Variants in STARD9 observed in about 807,000 individuals in gnomAD.
The protein encoded by STARD9 is StAR related lipid transfer domain containing 9, also known as stAR-related lipid transfer protein 9.
A neutral mutation model predicts 399.8 loss-of-function variants in STARD9; 346 were observed. The ratio of observed to expected loss-of-function variants is 0.87; its 90% CI spans 0.79 to 0.95. The LOEUF is 0.95. Among genes scored for constraint, STARD9 ranks in the 40% least tolerant of loss-of-function variants. STARD9 has a pLI of 0.00. For missense variants in STARD9, 5,832 were observed against 5,667.5 expected, an observed-to-expected ratio of 1.03 and a Z score of -0.93; for synonymous variants, 2,203 against 2,143.5, an observed-to-expected ratio of 1.03 and a Z score of -0.77.
chr15:42,644,847 T>C (rs932774506), intron 7 of STARD9, among the ~76,000 whole-genome samples: 1 of 152,228 alleles, frequency 6.6e-6, no homozygotes, highest in South Asian at 2.1e-4. Context: ...TTATATAATA[T>C]TCTGTTTCAT....
intron 7 of STARD9, among the ~76,000 whole-genome samples, chr15:42,646,878 C>T (rs562516094): frequency 6.6e-6 from 1 of 152,296 alleles, no homozygotes; most frequent in Admixed American, 6.5e-5. Context: ...CACTTGGACA[C>T]TTAAAGGCCA....
intron 7 of STARD9, among the ~76,000 whole-genome samples, chr15:42,640,273 T>A (rs2059507482): frequency 6.6e-6 from 1 of 152,210 alleles, no homozygotes; most frequent in African/African-American, 2.4e-5. Context: ...CAAGAGCCGG[T>A]CTTTTCTCTG....
At chr15:42,577,259 T>C (rs557984924) in intron 1 of STARD9, among the ~76,000 whole-genome samples, 1 of 152,246 alleles carries the variant, frequency 6.6e-6, no homozygotes, top group South Asian at 2.1e-4. Context: ...GTTCACGCCA[T>C]TCTCCTGCCT....
intron 20 of STARD9, among the ~76,000 whole-genome samples, chr15:42,677,854 C>G (rs978868919): frequency 2.0e-5 from 3 of 152,200 alleles, no homozygotes; most frequent in Non-Finnish European, 4.4e-5. Context: ...CTTTCTCTTT[C>G]TTGTCCTCCT....
rs1011984644 is a variant in STARD9 at position 42,694,770 on chromosome 15, G to A, written c.12962+45G>A. ...CTGCTGGGAGCAGGCTCTGTTGGGG[G>A]AGGGGAGTATGGGGAGCAGGAGCTG... is the stretch of plus-strand genomic sequence containing the variant. On this transcript the variant is annotated intron_variant, in intron 24 of 32. Transcript: ENST00000290607. 1.0e-5 allele frequency: 15 copies of A among 1,502,398 alleles called. No individual in the cohort carries two copies. In the African/African-American group the frequency reaches 1.1e-4, roughly 11 times the overall value. The allele number at this position is 1,502,398 out of a possible 1,614,324, so 93.1% of individuals were successfully genotyped here. A position where few individuals can be genotyped will look rare whatever the true frequency, so the allele number is the denominator to read the frequency against.
intron 7 of STARD9, among the ~76,000 whole-genome samples, chr15:42,649,722 G>C (rs1003439969): frequency 2.6e-5 from 4 of 151,734 alleles, no homozygotes; most frequent in African/African-American, 9.7e-5. Context: ...ACCATGTCCA[G>C]CTAATTTTTT....
At chr15:42,585,764 T>A in intron 3 of STARD9, 127 bp downstream of exon 3, 1 of 506,292 alleles carries the variant, frequency 2.0e-6, no homozygotes, top group Non-Finnish European at 3.3e-6. Flanking sequence ...GTACTCTAAT[T>A]GGTACTTTAA....
At chr15:42,681,287 A>AG in intron 20 of STARD9, 135 bp from the exon 21 acceptor site, 1 of 823,094 alleles carries the variant, frequency 1.2e-6, no homozygotes, top group South Asian at 2.0e-5. Context: ...TGTTTGTCCA[A>AG]GGTTGCCAGA....
intron 3 of STARD9, among the ~76,000 whole-genome samples, chr15:42,601,442 G>A (rs1446574774): frequency 5.3e-5 from 8 of 151,226 alleles, no homozygotes; most frequent in East Asian, 3.9e-4. Flanking sequence ...CGGGGCGGCC[G>A]GGCAGAGGCG....
chr15:42,663,355 C>T lies in STARD9; in HGVS notation c.943C>T (p.Leu315Phe), dbSNP rs2060026520. 1 of 1,537,200 alleles carries T rather than the reference C, an allele frequency of 6.5e-7. No individual in the cohort carries two copies. Among genetic ancestry groups the T allele is most frequent in the African/African-American group, 1.4e-5 (1 of 73,052 alleles). The change falls in exon 12 of 33, where the codon CTT (leucine) becomes TTT (phenylalanine). Residue 315 changes from leucine (L) to phenylalanine (F), a missense_variant. Coordinates refer to ENST00000290607, the MANE Select transcript of STARD9 (RefSeq NM_020759.3). ...SVSNGGDSGI[L>F]SSPSGTSSGG... The stretch of plus-strand genomic sequence containing the variant: ...CAGCAATGGTGGTGACAGTGGGATC[C>T]TTAGCTCTCCTTCTGGGACCAGCAG...
At chr15:42,700,075 T>C (rs1258244813) in intron 26 of STARD9, among the ~76,000 whole-genome samples, 1 of 152,230 alleles carries the variant, frequency 6.6e-6, no homozygotes, top group African/African-American at 2.4e-5. Context: ...CTTAGTATAA[T>C]GTCCCTGGGT....
chr15:42,688,507 A>G lies in STARD9; in HGVS notation c.6929A>G (p.Gln2310Arg), dbSNP rs1328352614. ...CTTTGTAGGGACACGTTTTTCAGGCAGGAAACTGTCAGCCCATTACTAAGC... is the reference window on the plus strand; with the variant it reads ...CTTTGTAGGGACACGTTTTTCAGGCGGGAAACTGTCAGCCCATTACTAAGC... Reference protein sequence around the residue: ...SQLCRDTFFRQETVSPLLSRT... With the variant: ...SQLCRDTFFRRETVSPLLSRT... The change falls in exon 23 of 33, where the codon CAG (glutamine) becomes CGG (arginine). Residue 2310 changes from glutamine to arginine, a missense_variant. Around this residue, in one of 2 missense-constraint regions of STARD9, gnomAD observed 5,828 missense variants for 5,651.1 expected, o/e 1.03. Coordinates refer to ENST00000290607, the MANE Select transcript of STARD9 (RefSeq NM_020759.3). 2.0e-6 allele frequency: 3 copies of G among 1,537,806 alleles called. No homozygotes were observed. The highest frequency in any genetic ancestry group is 1.4e-5 in the African/African-American group (1 of 73,050).
intron 1 of STARD9, among the ~76,000 whole-genome samples, chr15:42,577,299 A>G (rs370372581): frequency 0.02 from 2,964 of 151,904 alleles, 75 homozygotes; most frequent in African/African-American, 0.06. Context: ...GACTACAGGC[A>G]CCCGCCACCA....
rs2140288374 is a variant in STARD9 at position 42,692,225 on chromosome 15, G to A, written c.10647G>A (p.Gln3549=). Residue 3549 remains glutamine, a synonymous_variant, in exon 23 of 33, where the codon CAG becomes CAA. Transcript: ENST00000290607. ...STTHSSTENA[Q]GSNEAWEVFR... is the part of the protein sequence containing the mutation. ...CACACAGCAGCACTGAGAATGCCCAGGGTTCAAATGAGGCCTGGGAAGTAT... is the reference window on the plus strand; with the variant it reads ...CACACAGCAGCACTGAGAATGCCCAAGGTTCAAATGAGGCCTGGGAAGTAT... 6.5e-7 allele frequency: 1 copy of A among 1,537,064 alleles called. No homozygotes were observed. Among genetic ancestry groups the A allele is most frequent in the Non-Finnish European group, 8.7e-7 (1 of 1,146,892 alleles).
rs1342650641 is a variant in STARD9 at position 42,675,967 on chromosome 15, G to T, written c.1866G>T (p.Trp622Cys). 2.1e-5 allele frequency: 30 copies of T among 1,396,812 alleles called. No individual in the cohort carries two copies. Among genetic ancestry groups the T allele is most frequent in the Non-Finnish European group, 2.8e-5 (30 of 1,057,698 alleles). The allele number at this position is 1,396,812 out of a possible 1,614,324, so 86.5% of individuals were successfully genotyped here. A position where few individuals can be genotyped will look rare whatever the true frequency, so the allele number is the denominator to read the frequency against. The change falls in exon 20 of 33, where the codon TGG (tryptophan) becomes TGT (cysteine). Residue 622 changes from tryptophan to cysteine, a missense_variant. By Grantham distance (215) the Trp-to-Cys change is radical (BLOSUM62 -2). Coordinates refer to ENST00000290607, the MANE Select transcript of STARD9 (RefSeq NM_020759.3). ...ASRLGLSPLLWKERRALEEQC... is the reference protein window; with the variant it reads ...ASRLGLSPLLCKERRALEEQC... ...GGCTGGGTCTCTCCCCTTTGCTTTGGAAGGAAAGGTAAGAAATAGCTGCTT... is the reference window on the plus strand; with the variant it reads ...GGCTGGGTCTCTCCCCTTTGCTTTGTAAGGAAAGGTAAGAAATAGCTGCTT...
At chr15:42,719,444 A>C in intron 32 of STARD9, 29 bp from the exon 33 acceptor site, 1 of 1,428,952 alleles carries the variant, frequency 7.0e-7, no homozygotes, top group Non-Finnish European at 9.5e-7. Context: ...ATCTATTTGC[A>C]CCTTAAATTC....
chr15:42,674,691 G>A (rs1207323398), intron 17 of STARD9, 136 bp from the exon 18 acceptor site: 3 of 1,329,980 alleles, frequency 2.3e-6, no homozygotes, highest in African/African-American at 1.5e-5. Flanking sequence ...AGGTCTGGGT[G>A]GTTTCAGGTC....
At chr15:42,718,933 C>T (rs1313226186) in intron 32 of STARD9, 23 bp downstream of exon 32, 2 of 1,534,794 alleles carry the variant, frequency 1.3e-6, no homozygotes, top group South Asian at 2.4e-5. Flanking sequence ...TTGCAGCTGG[C>T]CTCACAGCAC....
chr15:42,674,653 G>A (rs993454701), intron 17 of STARD9, among the ~76,000 whole-genome samples, 162 bp downstream of exon 17: 1 of 152,172 alleles, frequency 6.6e-6, no homozygotes, highest in Non-Finnish European at 1.5e-5. Flanking sequence ...GACGTCACAG[G>A]GGGAGACCCA....
Sources: allele counts gnomAD v4.1 joint callset (sites outside exome capture counted in the v4.1 genomes callset), GRCh38; gene constraint gnomAD v4.1.1; regional missense constraint gnomAD v4.1.1; transcripts MANE v1.5; gene names NCBI Gene and HGNC (gene_info 2026-07-23, HGNC 2026-07-21).